GPR21: variants seen among roughly 807,000 people sequenced by gnomAD.
GPR21 encodes the protein G protein-coupled receptor 21, also known as probable G protein-coupled receptor 21.
In GPR21, 9 loss-of-function variants were observed where a neutral mutation model predicts 21.5. The ratio of observed to expected loss-of-function variants is 0.42; its 90% CI spans 0.25 to 0.73. The LOEUF is 0.73. Ranked by LOEUF, GPR21 falls within the 30% of genes least tolerant of loss-of-function variation. The probability of loss-of-function intolerance (pLI) is 0.27; values close to 1 mark genes in which losing one functional copy is unlikely to be tolerated. For synonymous variants in GPR21, 169 were observed against 159.3 expected, an observed-to-expected ratio of 1.06 and a Z score of -0.46; for missense variants, 416 against 428.9, an observed-to-expected ratio of 0.97 and a Z score of 0.27.
chr9:123,040,161 T>C (rs1250957454), downstream of GPR21, among the ~76,000 whole-genome samples: 3 of 152,212 alleles, frequency 2.0e-5, no homozygotes, highest in Non-Finnish European at 4.4e-5. Flanking sequence ...TCTGTGATTA[T>C]CTGTCTTCCA....
At chr9:123,045,341 G>A in the GPR21 span, among the ~76,000 whole-genome samples, 3 of 152,118 alleles carry the variant, frequency 2.0e-5, no homozygotes, top group Admixed American at 6.5e-5. Context: ...CCATTTGTGG[G>A]TCTCTTGTCT....
chr9:123,048,781 A>G, the GPR21 span, among the ~76,000 whole-genome samples: 1 of 152,230 alleles, frequency 6.6e-6, no homozygotes, highest in Non-Finnish European at 1.5e-5. Context: ...AGGTAACAGT[A>G]CTTGAGTATT....
downstream of GPR21, among the ~76,000 whole-genome samples, chr9:123,038,167 C>G (rs1325470493): frequency 6.6e-6 from 1 of 152,054 alleles, no homozygotes; most frequent in Admixed American, 6.6e-5. Context: ...GTGTGCTCAA[C>G]TTTAGTGAGA....
At chr9:123,040,981 C>T in the GPR21 span, among the ~76,000 whole-genome samples, 1 of 152,058 alleles carries the variant, frequency 6.6e-6, no homozygotes, top group African/African-American at 2.4e-5. Context: ...CTTCCTAATC[C>T]GTTGCTCTTT....
the GPR21 span, among the ~76,000 whole-genome samples, chr9:123,048,502 C>T: frequency 6.6e-5 from 10 of 152,238 alleles, no homozygotes; most frequent in African/African-American, 1.9e-4. Flanking sequence ...TAGCATACAA[C>T]GCTTTACAAA....
chr9:123,043,762 T>C, the GPR21 span, among the ~76,000 whole-genome samples: 2 of 152,214 alleles, frequency 1.3e-5, no homozygotes, highest in East Asian at 3.9e-4. Flanking sequence ...TTCAGAAGTA[T>C]GAATTAAAAA....
At position 123,034,498 on chromosome 9, in the gene GPR21, G is replaced by C; in HGVS notation, c.-69G>C. The C allele has an allele frequency of 1.0e-6, 1 of 955,378 alleles. No individual in the cohort carries two copies. Among genetic ancestry groups the C allele is most frequent in the Non-Finnish European group, 1.6e-6 (1 of 625,534 alleles). 59.2% of individuals were successfully genotyped at this position (955,378 alleles called of 1,614,324 possible). ...TGCAAAGCTGACCGCAATGACAGCA[G>C]CTGCTTCTTTGAACTGTTGGCAGCA... On this transcript the variant is annotated 5_prime_UTR_variant, in exon 2 of 2. Coordinates refer to ENST00000616002, the MANE Select transcript of GPR21 (RefSeq NM_005294.3).
chr9:123,035,396 C>T lies in GPR21; in HGVS notation c.830C>T (p.Ser277Phe), dbSNP rs746359372. The T allele has an allele frequency of 1.9e-6, 3 of 1,614,002 alleles. No homozygotes were observed. The African/African-American group carries it at 4.0e-5, about 22-fold the overall frequency. Residue 277 changes from serine (S) to phenylalanine (F), a missense_variant, in exon 2 of 2, where the codon TCC (serine) becomes TTC (phenylalanine). Physicochemically the swap from Ser to Phe is radical, Grantham distance 155. Coordinates refer to ENST00000616002, the MANE Select transcript of GPR21 (RefSeq NM_005294.3). ...PYIIYFLLES[S>F]TGHSNRFASF... ...ATCATCTACTTCTTGTTGGAAAGCT[C>T]CACTGGCCACAGCAACCGCTTCGCA...
exon 2 of GPR21, chr9:123,035,639 C>CGTGTGTGT (rs5900552): frequency 1.9e-4 from 137 of 733,354 alleles, no homozygotes; most frequent in African/African-American, 2.0e-3. Context: ...ACGGGGTTCC[C>CGTGTGTGT]GTGTGTGTGT....
At chr9:123,046,649 A>G in the GPR21 span, among the ~76,000 whole-genome samples, 1 of 152,262 alleles carries the variant, frequency 6.6e-6, no homozygotes, top group Non-Finnish European at 1.5e-5. Context: ...CTTGGCATGC[A>G]GTAAGCACTC....
chr9:123,047,063 GTGCTTAGAAAATAGGAGTT>G, the GPR21 span, among the ~76,000 whole-genome samples: 1 of 152,178 alleles, frequency 6.6e-6, no homozygotes, highest in Non-Finnish European at 1.5e-5. Context: ...CATTTGTCAA[GTGCTTAGAAAATAGGAGTT>G]TTCAGCAGGT....
In GPR21 at chr9:123,035,319, C is replaced by A. The variant is rs753105282; in HGVS notation, c.753C>A (p.Ala251=). ...AGGCCTGTCCTGATAAGCGCTATGC[C>A]ATGGTCCTGTTTCGAATCACTAGTG... ...EVQACPDKRY[A]MVLFRITSVF... The change falls in exon 2 of 2, where the codon GCC becomes GCA. Residue 251 remains alanine, a synonymous_variant. Transcript: ENST00000616002. 3.8e-5 allele frequency: 61 copies of A among 1,614,036 alleles called. No homozygotes were observed. Among genetic ancestry groups the A allele is most frequent in the Non-Finnish European group, 4.3e-5 (51 of 1,180,014 alleles).
Position 123,035,462 on chromosome 9 carries a change from G to C in GPR21, c.896G>C (p.Cys299Ser). ...TTWLAISNSF[C>S]NCVIYSLSNS... ...TGGCTTGCTATTAGTAACAGTTTCT[G>C]CAACTGTGTAATTTATAGTCTCTCC... Residue 299 changes from cysteine to serine, a missense_variant, in exon 2 of 2, where the codon TGC becomes TCC. By Grantham distance (112) the Cys-to-Ser change is moderately radical. Coordinates refer to ENST00000616002, the MANE Select transcript of GPR21 (RefSeq NM_005294.3). The C allele has an allele frequency of 6.2e-7, 1 of 1,614,170 alleles. No individual in the cohort carries two copies. Among genetic ancestry groups the C allele is most frequent in the Non-Finnish European group, 8.5e-7 (1 of 1,180,018 alleles).
At chr9:123,043,915 T>A in the GPR21 span, among the ~76,000 whole-genome samples, 1 of 150,276 alleles carries the variant, frequency 6.7e-6, no homozygotes, top group Non-Finnish European at 1.5e-5. Flanking sequence ...TTTTTTTTTT[T>A]TTTGAGACGG....
chr9:123,044,384 C>T, the GPR21 span, among the ~76,000 whole-genome samples: 1 of 152,182 alleles, frequency 6.6e-6, no homozygotes, highest in South Asian at 2.1e-4. Context: ...TTAATTGTCT[C>T]ATTTAATCCC....
chr9:123,041,131 T>C, the GPR21 span, among the ~76,000 whole-genome samples: 3 of 152,216 alleles, frequency 2.0e-5, no homozygotes, highest in African/African-American at 7.2e-5. Flanking sequence ...TGAGACTCTT[T>C]ATGTTTCAGG....
At position 123,034,326 on chromosome 9, in the gene GPR21, TG is replaced by T. The variant is rs2032485525; in HGVS notation, c.-239del. The T allele has an allele frequency of 1.8e-6, 1 of 542,902 alleles. No homozygotes were observed. Among genetic ancestry groups the T allele is most frequent in the Non-Finnish European group, 3.2e-6 (1 of 311,304 alleles). The allele number at this position is 542,902 out of a possible 1,614,324, so 33.6% of individuals were successfully genotyped here. ...TATGTGTATGGTGAACCTGGCACTA[TG>T]GCCGCGTCTGGGACTGGCCAGACAA... On this transcript the variant is annotated 5_prime_UTR_variant, in exon 2 of 2. It removes the in-frame stop codon of an upstream open reading frame in the 5' UTR. Transcript: ENST00000616002.
Position 123,034,472 on chromosome 9 carries a change from A to T in GPR21, c.-95A>T. ...AGGCTCCTCTGGCATTATTACACAC[A>T]TGCAAAGCTGACCGCAATGACAGCA... On this transcript the variant is annotated 5_prime_UTR_variant, in exon 2 of 2. An upstream start codon of the reference 5' UTR is lost. Coordinates refer to ENST00000616002, the MANE Select transcript of GPR21 (RefSeq NM_005294.3). 1 of 764,394 alleles carries T rather than the reference A, an allele frequency of 1.3e-6. No individual in the cohort carries two copies. Among genetic ancestry groups the T allele is most frequent in the South Asian group, 1.7e-5 (1 of 60,302 alleles). The allele number at this position is 764,394 out of a possible 1,614,324, so 47.4% of individuals were successfully genotyped here.
At position 123,035,321 on chromosome 9, in the gene GPR21, T is replaced by G. The variant is rs920720455; in HGVS notation, c.755T>G (p.Met252Arg). 6.2e-7 allele frequency: 1 copy of G among 1,614,216 alleles called. No individual in the cohort carries two copies. Among genetic ancestry groups the G allele is most frequent in the Non-Finnish European group, 8.5e-7 (1 of 1,180,020 alleles). Residue 252 changes from methionine to arginine, a missense_variant, in exon 2 of 2, where the codon ATG (methionine) becomes AGG (arginine). Physicochemically the swap from Met to Arg is moderately conservative, Grantham distance 91. Coordinates refer to ENST00000616002, the MANE Select transcript of GPR21 (RefSeq NM_005294.3). ...VQACPDKRYA[M>R]VLFRITSVFY... ...GCCTGTCCTGATAAGCGCTATGCCA[T>G]GGTCCTGTTTCGAATCACTAGTGTA...
Sources: allele counts gnomAD v4.1 joint callset (sites outside exome capture counted in the v4.1 genomes callset), GRCh38; gene constraint gnomAD v4.1.1; transcripts MANE v1.5; gene names NCBI Gene and HGNC (gene_info 2026-07-23, HGNC 2026-07-21).